SFMBT2: variants seen among roughly 807,000 people sequenced by gnomAD.
The protein encoded by SFMBT2 is scm-like with four MBT domains protein 2.
Under a neutral mutation model 110.1 loss-of-function variants are expected in SFMBT2, and 38 were observed. The observed-to-expected ratio is 0.35, with a 90% CI of 0.27 to 0.45. The LOEUF (loss-of-function observed/expected upper bound fraction) is 0.45. Ranked by LOEUF, SFMBT2 falls within the 20% of genes least tolerant of loss-of-function variation. The pLI, the probability that SFMBT2 is intolerant of heterozygous loss-of-function variation, is 1.00. For missense variants in SFMBT2, 1,011 were observed against 1,094.9 expected (o/e 0.92, Z 1.08); for synonymous variants, 425 against 425.4 (o/e 1.00, Z 0.01).
chr10:7,209,346 C>A (rs549397144), intron 11 of SFMBT2, among the ~76,000 whole-genome samples: 1 of 152,200 alleles, frequency 6.6e-6, no homozygotes, highest in Non-Finnish European at 1.5e-5. Flanking sequence ...AGCGAAAAAT[C>A]CCCGACAAAC....
chr10:7,290,805 C>A (rs535900050), intron 4 of SFMBT2, among the ~76,000 whole-genome samples: 53 of 152,138 alleles, frequency 3.5e-4, no homozygotes, highest in African/African-American at 1.3e-3. Flanking sequence ...CCACTACACT[C>A]CAGCCTGGGT....
intron 4 of SFMBT2, among the ~76,000 whole-genome samples, chr10:7,323,129 A>G (rs1843248665): frequency 6.6e-6 from 1 of 152,202 alleles, no homozygotes; most frequent in South Asian, 2.1e-4. Flanking sequence ...AATACTAACT[A>G]TGATTTATGG....
intron 4 of SFMBT2, among the ~76,000 whole-genome samples, chr10:7,319,907 T>TAAGAGAGAGAGACAGAGAGAGACA (rs1843128084): frequency 1.7e-5 from 1 of 59,902 alleles, no homozygotes; most frequent in Admixed American, 1.6e-4. Flanking sequence ...AGAGAGAGAC[T>TAAGAGAGAGAGACAGAGAGAGACA]AAGAGAGAGA....
At chr10:7,312,310 G>A (rs1378610416) in intron 4 of SFMBT2, among the ~76,000 whole-genome samples, 1 of 152,124 alleles carries the variant, frequency 6.6e-6, no homozygotes, top group Non-Finnish European at 1.5e-5. Flanking sequence ...CTAGAGGTCC[G>A]AGGGAGCCGA....
intron 4 of SFMBT2, among the ~76,000 whole-genome samples, chr10:7,349,383 C>G (rs1288241292): frequency 1.4e-5 from 2 of 145,956 alleles, no homozygotes; most frequent in African/African-American, 2.5e-5. Flanking sequence ...GTGGGCAGGA[C>G]AGGATGCAGT....
At chr10:7,403,762 C>T (rs1032697338) in intron 1 of SFMBT2, among the ~76,000 whole-genome samples, 2 of 152,242 alleles carry the variant, frequency 1.3e-5, no homozygotes, top group African/African-American at 4.8e-5. Flanking sequence ...AAATCTAGCT[C>T]TCTCTCCTGC....
At chr10:7,281,687 G>A (rs1328382587) in intron 6 of SFMBT2, among the ~76,000 whole-genome samples, 1 of 152,174 alleles carries the variant, frequency 6.6e-6, no homozygotes, top group African/African-American at 2.4e-5. Flanking sequence ...GCAGAATCCA[G>A]TTTCCATCTT....
intron 4 of SFMBT2, among the ~76,000 whole-genome samples, chr10:7,321,364 G>T (rs1011281511): frequency 6.6e-6 from 1 of 152,104 alleles, no homozygotes; most frequent in African/African-American, 2.4e-5. Context: ...AACACGCCCG[G>T]CTAATTTTTT....
intron 12 of SFMBT2, 23 bp from the exon 13 acceptor site, chr10:7,202,545 A>G (rs1228123548): frequency 6.2e-7 from 1 of 1,614,188 alleles, no homozygotes; most frequent in Middle Eastern, 1.6e-4. Context: ...CAAAACGGAA[A>G]AAGAAAATCA....
intron 10 of SFMBT2, among the ~76,000 whole-genome samples, chr10:7,224,731 A>G (rs937108047): frequency 3.9e-5 from 6 of 152,182 alleles, no homozygotes; most frequent in Non-Finnish European, 7.3e-5. Context: ...CATTATTTTA[A>G]AATAAATATA....
chr10:7,246,922 C>T (rs1356798178), intron 8 of SFMBT2, among the ~76,000 whole-genome samples: 2 of 151,974 alleles, frequency 1.3e-5, no homozygotes, highest in Admixed American at 1.3e-4. Flanking sequence ...AACAGGGCAC[C>T]ACTGGTCCAT....
chr10:7,234,394 T>C (rs555950414), intron 9 of SFMBT2, among the ~76,000 whole-genome samples: 10 of 152,244 alleles, frequency 6.6e-5, no homozygotes, highest in Non-Finnish European at 1.0e-4. Flanking sequence ...TTCTGAATTA[T>C]AAACACAATG....
At chr10:7,176,404 A>G (rs1017452073) in intron 16 of SFMBT2, 10 of 878,994 alleles carry the variant, frequency 1.1e-5, no homozygotes, top group East Asian at 1.2e-4. Context: ...ACACCCCCAC[A>G]TGTAGCACAC....
chr10:7,269,705 TAAGTGTGTGC>T (rs1841512651), intron 7 of SFMBT2, among the ~76,000 whole-genome samples: 8 of 112,400 alleles, frequency 7.1e-5, no homozygotes, highest in South Asian at 3.5e-4. Context: ...AAAAAGCAAG[TAAGTGTGTGC>T]GTGTGTGTGT....
chr10:7,249,001 A>G, intron 7 of SFMBT2: 1 of 432,274 alleles, frequency 2.3e-6, no homozygotes, highest in South Asian at 9.6e-5. Context: ...TCTTCAGAAA[A>G]CACCAGGTCT....
chr10:7,384,331 G>A (rs769793554), intron 1 of SFMBT2, among the ~76,000 whole-genome samples: 22 of 151,228 alleles, frequency 1.5e-4, no homozygotes, highest in South Asian at 2.1e-4. Flanking sequence ...CGGAGGAAGC[G>A]AGTGAGCACA....
At chr10:7,370,503 C>A (rs187605619) in intron 2 of SFMBT2, 128 bp from the exon 3 acceptor site, 2 of 796,094 alleles carry the variant, frequency 2.5e-6, no homozygotes, top group Admixed American at 2.5e-5. Context: ...AAGGATATTG[C>A]TGAATTTTTT....
At chr10:7,215,040 G>A (rs1839487438) in intron 11 of SFMBT2, among the ~76,000 whole-genome samples, 1 of 152,224 alleles carries the variant, frequency 6.6e-6, no homozygotes, top group South Asian at 2.1e-4. Flanking sequence ...CAGCACTGGG[G>A]AAGAGAGAGC....
At chr10:7,271,074 C>T (rs1436206046) in intron 7 of SFMBT2, among the ~76,000 whole-genome samples, 6 of 151,998 alleles carry the variant, frequency 3.9e-5, no homozygotes, top group Non-Finnish European at 2.9e-5. Flanking sequence ...TGCTTGAGTT[C>T]AGGAGTTCAA....
Sources: gnomAD v4.1 joint callset for allele counts (sites outside exome capture counted in the v4.1 genomes callset) on GRCh38, gnomAD v4.1.1 for gene constraint, MANE v1.5 for transcripts, NCBI Gene and HGNC (gene_info 2026-07-23, HGNC 2026-07-21) for gene names.